Variants in NRXN1 observed in about 807,000 individuals in gnomAD.
NRXN1 encodes neurexin-1.
A neutral mutation model predicts 150.9 loss-of-function variants in NRXN1; 39 were observed. The observed-to-expected ratio is 0.26, with a 90% CI of 0.20 to 0.34. The LOEUF is 0.34. NRXN1 is among the 10% of genes least tolerant of loss of function. The pLI is 1.00. For synonymous variants in NRXN1, 924 were observed against 757.0 expected (o/e 1.22, Z -3.62); for missense variants, 1,815 against 1,949.9 (o/e 0.93, Z 1.30).
intron 18 of NRXN1, among the ~76,000 whole-genome samples, chr2:50,174,293 A>G (rs879802540): frequency 6.6e-6 from 1 of 152,154 alleles, no homozygotes; most frequent in Non-Finnish European, 1.5e-5. Flanking sequence ...CTGTCTTGTG[A>G]GTCTGGTCCA....
At chr2:50,944,558 C>T (rs776215647) in intron 2 of NRXN1, among the ~76,000 whole-genome samples, 8 of 152,110 alleles carry the variant, frequency 5.3e-5, no homozygotes, top group African/African-American at 1.7e-4. Context: ...ATAAAAATAA[C>T]TTAAATGAAA....
At chr2:50,471,857 T>C (rs12713102) in intron 16 of NRXN1, among the ~76,000 whole-genome samples, 151,837 of 151,856 alleles carry the variant, frequency 1, 75,909 homozygotes, top group Middle Eastern at 1. Context: ...CATAACAAAC[T>C]TGCACATGTA....
intron 17 of NRXN1, among the ~76,000 whole-genome samples, chr2:50,408,855 CT>C (rs2082944374): frequency 6.6e-6 from 1 of 150,818 alleles, no homozygotes; most frequent in Non-Finnish European, 1.5e-5. Flanking sequence ...CTCTCTCTCT[CT>C]CTCTCTCTCT....
At chr2:50,841,231 A>C (rs970369773) in intron 5 of NRXN1, 6 of 152,594 alleles carry the variant, frequency 3.9e-5, no homozygotes, top group African/African-American at 1.2e-4. Flanking sequence ...TTCCACACTA[A>C]ATGACAGGCA....
intron 21 of NRXN1, among the ~76,000 whole-genome samples, chr2:50,018,660 A>G (rs935747884): frequency 9.2e-5 from 14 of 152,222 alleles, no homozygotes; most frequent in African/African-American, 3.1e-4. Context: ...CTGATTTGAT[A>G]TGAAACACAT....
intron 5 of NRXN1, among the ~76,000 whole-genome samples, chr2:50,686,157 C>A (rs9751641): frequency 0.11 from 17,164 of 151,968 alleles, 1,368 homozygotes; most frequent in East Asian, 0.31. Context: ...AAGAAACAAA[C>A]AAACAAAAAA....
At chr2:50,617,971 T>C (rs1211182824) in intron 8 of NRXN1, among the ~76,000 whole-genome samples, 1 of 152,234 alleles carries the variant, frequency 6.6e-6, no homozygotes, top group Non-Finnish European at 1.5e-5. Flanking sequence ...TCAGCTGAAC[T>C]CAAGGATTCC....
At chr2:50,459,142 A>G (rs1234687512) in intron 17 of NRXN1, among the ~76,000 whole-genome samples, 6 of 152,198 alleles carry the variant, frequency 3.9e-5, no homozygotes, top group East Asian at 3.9e-4. Flanking sequence ...TCCAAATCCA[A>G]TCATAATTAT....
At chr2:50,545,646 A>G (rs1430668388) in intron 9 of NRXN1, among the ~76,000 whole-genome samples, 1 of 152,238 alleles carries the variant, frequency 6.6e-6, no homozygotes, top group African/African-American at 2.4e-5. Context: ...ACAGGACATG[A>G]AATACTTCCC....
Position 50,260,990 on chromosome 2 carries a change from T to G in NRXN1, c.3365-24020A>C, listed in dbSNP as rs1574803695. 4.6e-5 allele frequency among the ~76,000 whole-genome samples: 7 copies of G among 151,774 alleles called. 1 individual carries two copies. The highest frequency in any genetic ancestry group is 4.6e-4 in the Admixed American group (7 of 15,182). ...TTGTACAGTCTTCCTTCTTTTCAAT[T>G]GAAAAAGAACAGAGAAAAAAAATCC... On this transcript the variant is annotated intron_variant, in intron 17 of 22. Transcript: ENST00000401669.
At chr2:50,005,846 A>G (rs1452992349) in intron 21 of NRXN1, among the ~76,000 whole-genome samples, 2 of 152,152 alleles carry the variant, frequency 1.3e-5, no homozygotes, top group African/African-American at 4.8e-5. Context: ...ATTTCTGCTA[A>G]TTCTCCATCT....
chr2:50,375,459 C>T (rs112843646), intron 17 of NRXN1, among the ~76,000 whole-genome samples: 2,524 of 69,676 alleles, frequency 0.036, 116 homozygotes, highest in African/African-American at 0.18. Flanking sequence ...GGCTAGCATG[C>T]CTCTGAGTTA....
chr2:50,569,252 CAAT>C (rs1670303268), intron 8 of NRXN1, among the ~76,000 whole-genome samples: 1 of 151,820 alleles, frequency 6.6e-6, no homozygotes, highest in Non-Finnish European at 1.5e-5. Context: ...CTGTAGTCAA[CAAT>C]AATATATTGT....
chr2:50,067,741 G>C (rs760476715), intron 19 of NRXN1, among the ~76,000 whole-genome samples: 2 of 152,194 alleles, frequency 1.3e-5, no homozygotes, highest in South Asian at 2.1e-4. Flanking sequence ...TGAAAAGTAA[G>C]AGCAGCCCCA....
At chr2:49,932,684 T>C (rs145419348) in intron 22 of NRXN1, among the ~76,000 whole-genome samples, 153 of 152,332 alleles carry the variant, frequency 1.0e-3, no homozygotes, top group African/African-American at 3.6e-3. Flanking sequence ...TGTCAACTTA[T>C]GCTTAACAGA....
chr2:50,652,617 T>C (rs11901620), intron 5 of NRXN1, among the ~76,000 whole-genome samples: 3,159 of 152,224 alleles, frequency 0.021, 105 homozygotes, highest in African/African-American at 0.071. Context: ...GTGCTATTTC[T>C]ACTTCTTGTT....
At chr2:50,124,478 C>A (rs970826563) in intron 18 of NRXN1, among the ~76,000 whole-genome samples, 1 of 152,038 alleles carries the variant, frequency 6.6e-6, no homozygotes, top group Non-Finnish European at 1.5e-5. Context: ...ATTGTTAATA[C>A]GTAGAACCAG....
At chr2:50,722,417 T>G (rs943802956) in intron 5 of NRXN1, among the ~76,000 whole-genome samples, 1 of 152,160 alleles carries the variant, frequency 6.6e-6, no homozygotes, top group Non-Finnish European at 1.5e-5. Context: ...GTCAGGTTAA[T>G]TATGATATAT....
At chr2:50,214,325 C>T (rs890548871) in intron 18 of NRXN1, among the ~76,000 whole-genome samples, 3 of 151,924 alleles carry the variant, frequency 2.0e-5, no homozygotes, top group Admixed American at 1.3e-4. Context: ...CTTTAGCATA[C>T]GTCTTTCTCT....
Sources: allele counts gnomAD v4.1 joint callset (sites outside exome capture counted in the v4.1 genomes callset), GRCh38; gene constraint gnomAD v4.1.1; transcripts MANE v1.5; gene names NCBI Gene and HGNC (gene_info 2026-07-23, HGNC 2026-07-21).